PCDHA11: variants seen among roughly 807,000 people sequenced by gnomAD.
PCDHA11 encodes protocadherin alpha-11.
Under a neutral mutation model 70.3 loss-of-function variants are expected in PCDHA11, and 61 were observed. That is an observed-to-expected ratio of 0.87 (90% CI 0.71 to 1.07). The LOEUF is 1.07. Among genes scored for constraint, PCDHA11 ranks in the 50% least tolerant of loss-of-function variants. PCDHA11 has a pLI of 0.00. For synonymous variants in PCDHA11, 633 were observed against 555.1 expected (o/e 1.14, Z -1.97); for missense variants, 1,324 against 1,237.5 (o/e 1.07, Z -1.05).
At chr5:140,898,573 T>C (rs1161265188) in intron 1 of PCDHA11, among the ~76,000 whole-genome samples, 3 of 152,250 alleles carry the variant, frequency 2.0e-5, no homozygotes, top group Non-Finnish European at 4.4e-5. Flanking sequence ...ACCAGTGCCA[T>C]GCTGTTTTGG....
chr5:140,963,666 ATAGT>A (rs1254219157), intron 1 of PCDHA11, among the ~76,000 whole-genome samples: 1 of 152,216 alleles, frequency 6.6e-6, no homozygotes, highest in African/African-American at 2.4e-5. Flanking sequence ...CCTATATGGC[ATAGT>A]TAAATGTGTT....
At chr5:140,963,714 A>G (rs1554226741) in intron 1 of PCDHA11, among the ~76,000 whole-genome samples, 2 of 152,260 alleles carry the variant, frequency 1.3e-5, no homozygotes, top group Admixed American at 6.5e-5. Context: ...GCCATGCTAC[A>G]TATAGACTGC....
In PCDHA11 at chr5:140,903,479, T is replaced by C. The variant is rs73266018; in HGVS notation, c.2391+31985T>C. On this transcript the variant is annotated intron_variant, in intron 1 of 3. Transcript: ENST00000398640. The stretch of plus-strand genomic sequence containing the variant: ...ACTTAAAATATTATTCCTTGCATTA[T>C]AGTTCTGAGCAGGTACCATAGATAA... Among the ~76,000 whole-genome samples, 476 of 152,354 alleles carry C rather than the reference T, an allele frequency of 3.1e-3. 2 individuals are homozygous for C. The highest frequency in any genetic ancestry group is 0.011 in the African/African-American group (456 of 41,586).
chr5:140,884,586 G>A (rs782106355), intron 1 of PCDHA11: 1 of 1,614,250 alleles, frequency 6.2e-7, no homozygotes, highest in Admixed American at 1.7e-5. Flanking sequence ...ATGGCCTTCA[G>A]TCCCAGCCTT....
At chr5:140,977,283 G>A (rs2096753441) in intron 1 of PCDHA11, among the ~76,000 whole-genome samples, 1 of 152,190 alleles carries the variant, frequency 6.6e-6, no homozygotes, top group African/African-American at 2.4e-5. Context: ...CTCAAAGGAA[G>A]GTTCTCTCAG....
intron 1 of PCDHA11, among the ~76,000 whole-genome samples, chr5:140,921,914 TA>T (rs2080487852): frequency 6.6e-6 from 1 of 152,014 alleles, no homozygotes; most frequent in Admixed American, 6.6e-5. Context: ...TATTACATGA[TA>T]AAACTTATAG....
chr5:140,941,564 C>T (rs1352264408), intron 1 of PCDHA11, among the ~76,000 whole-genome samples: 2 of 151,992 alleles, frequency 1.3e-5, no homozygotes, highest in Non-Finnish European at 2.9e-5. Flanking sequence ...ATCCATTCGC[C>T]TCAGCCTCCC....
At chr5:140,882,332 G>T (rs782439110) in intron 1 of PCDHA11, 20 of 1,614,060 alleles carry the variant, frequency 1.2e-5, no homozygotes, top group Non-Finnish European at 1.7e-5. Flanking sequence ...TCTGATCCTC[G>T]CAGCCTGGGA....
Position 140,888,156 on chromosome 5 carries a change from A to T in PCDHA11, c.2391+16662A>T, listed in dbSNP as rs556908449. 2.0e-5 allele frequency among the ~76,000 whole-genome samples: 3 copies of T among 152,300 alleles called. No homozygotes were observed. In the South Asian group the frequency reaches 6.2e-4, roughly 32 times the overall value. On this transcript the variant is annotated intron_variant, in intron 1 of 3. Coordinates refer to ENST00000398640, the MANE Select transcript of PCDHA11 (RefSeq NM_018902.5). ...TTTCTTGCTGTTTTGCATGACTGGT[A>T]ATCTCTAATAAGATGCTAGACATTG...
chr5:140,894,670 C>T (rs971891585), intron 1 of PCDHA11, among the ~76,000 whole-genome samples: 2 of 151,580 alleles, frequency 1.3e-5, no homozygotes, highest in African/African-American at 4.8e-5. Flanking sequence ...TTTGTGTATT[C>T]TTGCATAGCT....
intron 1 of PCDHA11, among the ~76,000 whole-genome samples, chr5:140,894,005 G>A (rs1365314012): frequency 6.6e-6 from 1 of 152,072 alleles, no homozygotes; most frequent in Non-Finnish European, 1.5e-5. Context: ...TGTATGGTTG[G>A]TTCAAATTAC....
chr5:140,961,770 A>C, intron 1 of PCDHA11, among the ~76,000 whole-genome samples: 1 of 152,206 alleles, frequency 6.6e-6, no homozygotes, highest in East Asian at 1.9e-4. Flanking sequence ...ATTTATATCA[A>C]GCTTAATGGC....
At chr5:140,907,647 G>A (rs1336039908) in intron 1 of PCDHA11, among the ~76,000 whole-genome samples, 1 of 152,192 alleles carries the variant, frequency 6.6e-6, no homozygotes, top group East Asian at 1.9e-4. Flanking sequence ...CTGGCAAATT[G>A]GGCACTCAGC....
chr5:140,881,480 TTG>T, intron 1 of PCDHA11: 2 of 445,316 alleles, frequency 4.5e-6, no homozygotes, highest in Non-Finnish European at 5.9e-6. Context: ...GGCTAAATTA[TTG>T]TGTTTATGCA....
rs77308266 is a variant in PCDHA11 at position 140,916,313 on chromosome 5, A to C, written c.2391+44819A>C. On this transcript the variant is annotated intron_variant, in intron 1 of 3. Transcript: ENST00000398640. ...GCCAAACTGGTACCAAAGGTGCAAG[A>C]CAAAGTCCCCTTTACTTTTTCCTCT... Among the ~76,000 whole-genome samples the C allele has an allele frequency of 8.0e-3, 1,216 of 152,336 alleles. 6 individuals are homozygous for C. The highest frequency in any genetic ancestry group is 0.019 in the African/African-American group (784 of 41,584).
intron 1 of PCDHA11, among the ~76,000 whole-genome samples, chr5:140,964,181 T>A (rs1563333888): frequency 6.6e-6 from 1 of 152,218 alleles, no homozygotes; most frequent in African/African-American, 2.4e-5. Context: ...ATCATTATAG[T>A]GCCAAATAGA....
At chr5:141,005,095 A>T (rs1554259887) in intron 3 of PCDHA11, among the ~76,000 whole-genome samples, 1 of 152,192 alleles carries the variant, frequency 6.6e-6, no homozygotes, top group South Asian at 2.1e-4. Flanking sequence ...CTTTACATGC[A>T]TTACATCATT....
intron 1 of PCDHA11, chr5:140,967,546 C>T (rs199955615): frequency 6.8e-6 from 11 of 1,613,824 alleles, no homozygotes; most frequent in Non-Finnish European, 8.5e-6. Context: ...TTGACCAGTC[C>T]ACTTATCGCG....
At chr5:140,997,466 T>G (rs2097771241) in intron 3 of PCDHA11, among the ~76,000 whole-genome samples, 2 of 152,186 alleles carry the variant, frequency 1.3e-5, no homozygotes, top group Admixed American at 1.3e-4. Context: ...CTGTAGGCAA[T>G]TTTTACACAA....
Sources: allele counts gnomAD v4.1 joint callset (sites outside exome capture counted in the v4.1 genomes callset), GRCh38; gene constraint gnomAD v4.1.1; transcripts MANE v1.5; gene names NCBI Gene and HGNC (gene_info 2026-07-23, HGNC 2026-07-21).